The following DOCK1 variants were observed in gnomAD, a reference collection of about 807,000 sequenced individuals.
DOCK1 encodes the protein dedicator of cytokinesis 1.
A neutral mutation model predicts 262.7 loss-of-function variants in DOCK1; 138 were observed. The observed-to-expected ratio is 0.53, with a 90% CI of 0.46 to 0.61. DOCK1 has a LOEUF of 0.61. DOCK1 is among the 20% of genes least tolerant of loss of function. DOCK1 has a pLI of 0.00. For synonymous variants in DOCK1, 866 were observed against 867.4 expected, an observed-to-expected ratio of 1.00 and a Z score of 0.03; for missense variants, 1,908 against 2,370.7, an observed-to-expected ratio of 0.80 and a Z score of 4.05.
chr10:127,348,646 G>T (rs2063750077), intron 31 of DOCK1, among the ~76,000 whole-genome samples: 1 of 152,088 alleles, frequency 6.6e-6, no homozygotes, highest in Admixed American at 6.5e-5. Context: ...GGGGTGGGTG[G>T]GTTGTTTTTG....
intron 29 of DOCK1, among the ~76,000 whole-genome samples, chr10:127,325,493 A>G (rs2135603157): frequency 6.6e-6 from 1 of 152,346 alleles, no homozygotes; most frequent in African/African-American, 2.4e-5. Flanking sequence ...AAATCTGCTC[A>G]GTGTTTACAC....
chr10:127,361,159 G>C (rs2064406813), intron 32 of DOCK1, among the ~76,000 whole-genome samples: 1 of 141,340 alleles, frequency 7.1e-6, no homozygotes, highest in South Asian at 2.3e-4. Context: ...TGTCGCCCAG[G>C]CTGGAGTGCA....
At chr10:127,354,764 T>TGC (rs757154086) in intron 32 of DOCK1, 37 bp downstream of exon 32, 1 of 1,613,164 alleles carries the variant, frequency 6.2e-7, no homozygotes, top group South Asian at 1.1e-5. Flanking sequence ...GTGAATATCT[T>TGC]GCATCCCTGG....
intron 27 of DOCK1, among the ~76,000 whole-genome samples, chr10:127,162,641 A>T (rs537605160): frequency 5.3e-5 from 8 of 152,190 alleles, no homozygotes; most frequent in Non-Finnish European, 8.8e-5. Context: ...TGTACATGTA[A>T]ACTCCATGTG....
chr10:127,282,876 G>A (rs755880700), intron 29 of DOCK1, among the ~76,000 whole-genome samples: 1 of 152,244 alleles, frequency 6.6e-6, no homozygotes, highest in Non-Finnish European at 1.5e-5. Context: ...CAGAGTGATA[G>A]TGGGGAGCTG....
At chr10:127,288,998 C>T (rs1457619781) in intron 29 of DOCK1, among the ~76,000 whole-genome samples, 1 of 151,990 alleles carries the variant, frequency 6.6e-6, no homozygotes, top group Non-Finnish European at 1.5e-5. Flanking sequence ...AGTGATTGCA[C>T]TTTTTTATTT....
In DOCK1 at chr10:126,968,065, C is replaced by G. The variant is rs531883825; in HGVS notation, c.47-2637C>G. ...TCCTGGCCTCAAGTGATCTGCCTGC[C>G]TCAGCCTCCCAAAAGTAATCCCCCC... On this transcript the variant is annotated intron_variant, in intron 1 of 51. Coordinates refer to ENST00000623213, the MANE Select transcript of DOCK1 (RefSeq NM_001290223.2). Among the ~76,000 whole-genome samples, 66 of 152,210 alleles carry G rather than the reference C, an allele frequency of 4.3e-4. 2 individuals are homozygous for G. In the South Asian group the frequency reaches 0.011, roughly 24 times the overall value.
rs771155057 is a variant in DOCK1 at position 127,052,865 on chromosome 10, A to T, written c.2336+50A>T. On this transcript the variant is annotated intron_variant, in intron 22 of 51. Transcript: ENST00000623213. The stretch of plus-strand genomic sequence containing the variant: ...CGGGCTCTCAGAGGACTGGCAGGAG[A>T]TCCTTCACTTCTTTCCTTCCCCTTC... 8 of 1,563,898 alleles carry T rather than the reference A, an allele frequency of 5.1e-6. No homozygotes were observed. In the East Asian group the frequency reaches 1.4e-4, roughly 28 times the overall value.
chr10:127,026,884 G>A (rs1380929949), intron 16 of DOCK1, among the ~76,000 whole-genome samples: 3 of 152,196 alleles, frequency 2.0e-5, no homozygotes, highest in African/African-American at 7.2e-5. Context: ...ATGGTGCCAA[G>A]ACTTTAGGAG....
intron 23 of DOCK1, among the ~76,000 whole-genome samples, chr10:127,075,984 T>C (rs1360469456): frequency 6.6e-6 from 1 of 152,186 alleles, no homozygotes; most frequent in Non-Finnish European, 1.5e-5. Flanking sequence ...TTATGTGTGT[T>C]TTTGAGTGAG....
intron 1 of DOCK1, among the ~76,000 whole-genome samples, chr10:126,957,049 C>T (rs973886502): frequency 2.0e-5 from 3 of 152,158 alleles, no homozygotes; most frequent in East Asian, 3.9e-4. Flanking sequence ...CGGGGGAAAG[C>T]GGGGAAGGGG....
chr10:126,909,235 C>T (rs1332463293), intron 1 of DOCK1, among the ~76,000 whole-genome samples: 3 of 152,088 alleles, frequency 2.0e-5, no homozygotes, highest in Middle Eastern at 3.2e-3. Flanking sequence ...CAGGGAGCTA[C>T]GGGAGGCCCC....
rs35535729 is a variant in DOCK1, at chr10:127,422,158, C to CTTTTTTTTT, written c.4776+2428_4776+2436dup. ...CAACAAGACTTGTTATTTTGTTTGT[C>CTTTTTTTTT]TTTTTTTTTTTTTTTTTTTTTTTTT... On this transcript the variant is annotated intron_variant, in intron 46 of 51. Transcript: ENST00000623213. 8.1e-4 allele frequency among the ~76,000 whole-genome samples: 50 copies of CTTTTTTTTT among 61,384 alleles called. 8 individuals carry two copies. Among genetic ancestry groups the CTTTTTTTTT allele is most frequent in the East Asian group, 9.6e-4 (2 of 2,076 alleles). The allele number at this position is 61,384 out of a possible 152,430, so 40.3% of individuals were successfully genotyped here. A position where few individuals can be genotyped will look rare whatever the true frequency, so the allele number is the denominator to read the frequency against.
In DOCK1 at chr10:127,276,484, G is replaced by A. The variant is rs922211942; in HGVS notation, c.3044+19055G>A. Among the ~76,000 whole-genome samples, 3 of 152,096 alleles carry A rather than the reference G, an allele frequency of 2.0e-5. No individual in the cohort carries two copies. The East Asian group carries it at 5.8e-4, about 29-fold the overall frequency. On this transcript the variant is annotated intron_variant, in intron 29 of 51. Coordinates refer to ENST00000623213, the MANE Select transcript of DOCK1 (RefSeq NM_001290223.2). Reference sequence around the variant, plus strand: ...GGCTGTTTGATTGTGGAAATTCCTGGAAGACAAGGGCTCCTGTTCCTTCTC... The same window carrying A: ...GGCTGTTTGATTGTGGAAATTCCTGAAAGACAAGGGCTCCTGTTCCTTCTC...
chr10:127,287,529 T>C (rs2061202202), intron 29 of DOCK1, among the ~76,000 whole-genome samples: 1 of 152,172 alleles, frequency 6.6e-6, no homozygotes, highest in African/African-American at 2.4e-5. Flanking sequence ...GCAATGTTTG[T>C]TCAAGTTCTG....
chr10:127,285,938 G>T (rs916069714), intron 29 of DOCK1, among the ~76,000 whole-genome samples: 1 of 152,190 alleles, frequency 6.6e-6, no homozygotes, highest in Non-Finnish European at 1.5e-5. Flanking sequence ...GCTATCACGA[G>T]CCTGAGGCTG....
At chr10:127,164,103 G>A (rs1215783754) in intron 27 of DOCK1, among the ~76,000 whole-genome samples, 5 of 150,162 alleles carry the variant, frequency 3.3e-5, no homozygotes, top group Admixed American at 6.6e-5. Flanking sequence ...GGGGTCAGCC[G>A]GGCTCCCTCT....
chr10:127,380,039 T>A (rs1415383881), intron 35 of DOCK1, 43 bp from the exon 36 acceptor site: 7 of 1,351,250 alleles, frequency 5.2e-6, no homozygotes, highest in Non-Finnish European at 6.2e-6. Flanking sequence ...ATACCTTTTG[T>A]GGAACAGATT....
At chr10:127,359,706 T>C (rs1590675941) in intron 32 of DOCK1, among the ~76,000 whole-genome samples, 1 of 152,276 alleles carries the variant, frequency 6.6e-6, no homozygotes, top group African/African-American at 2.4e-5. Context: ...AATTACATTT[T>C]GTGTGTATGT....
Sources: gnomAD v4.1 joint callset for allele counts (sites outside exome capture counted in the v4.1 genomes callset) on GRCh38, gnomAD v4.1.1 for gene constraint, MANE v1.5 for transcripts, NCBI Gene and HGNC (gene_info 2026-07-23, HGNC 2026-07-21) for gene names.